LAMA2: variants seen among roughly 807,000 people sequenced by gnomAD.
LAMA2 encodes the protein laminin subunit alpha-2.
A neutral mutation model predicts 364.8 loss-of-function variants in LAMA2; 269 were observed. The ratio of observed to expected loss-of-function variants is 0.74; its 90% CI spans 0.67 to 0.82. LAMA2 has a LOEUF of 0.82. Among genes scored for constraint, LAMA2 ranks in the 40% least tolerant of loss-of-function variants. LAMA2 has a pLI of 0.00. For missense variants in LAMA2, 3,807 were observed against 3,873.2 expected, an observed-to-expected ratio of 0.98 and a Z score of 0.45; for synonymous variants, 1,379 against 1,370.6, an observed-to-expected ratio of 1.01 and a Z score of -0.14.
chr6:129,488,803 G>A (rs1434273676), intron 56 of LAMA2, among the ~76,000 whole-genome samples: 8 of 152,114 alleles, frequency 5.3e-5, no homozygotes, highest in Non-Finnish European at 1.0e-4. Flanking sequence ...ACCAGAGATC[G>A]CAAGTGACCA....
At chr6:129,171,217 A>G (rs1489258200) in intron 9 of LAMA2, among the ~76,000 whole-genome samples, 2 of 151,166 alleles carry the variant, frequency 1.3e-5, no homozygotes, top group Non-Finnish European at 3.0e-5. Context: ...TCCTGTCATG[A>G]TGATGTTAGC....
chr6:128,992,746 C>A (rs9492180), intron 1 of LAMA2, among the ~76,000 whole-genome samples: 1 of 152,104 alleles, frequency 6.6e-6, no homozygotes, highest in African/African-American at 2.4e-5. Context: ...TAGGAAGACA[C>A]CAGCTCTTTG....
chr6:129,267,091 T>TTA lies in LAMA2; in HGVS notation c.2209-13_2209-12dup. 1 of 1,531,566 alleles carries TTA rather than the reference T, an allele frequency of 6.5e-7. No homozygotes were observed. The highest frequency in any genetic ancestry group is 9.1e-7 in the Non-Finnish European group (1 of 1,104,730). The allele number at this position is 1,531,566 out of a possible 1,614,324, so 94.9% of individuals were successfully genotyped here. ...TTAATCTCCAAGACTGACTAAAGCC[T>TTA]TATCTTTCTCTCAGTCTTGTTGGCC... is the stretch of plus-strand genomic sequence containing the variant. On this transcript the variant is annotated splice_polypyrimidine_tract_variant and intron_variant, in intron 15 of 64. Coordinates refer to ENST00000421865, the MANE Select transcript of LAMA2 (RefSeq NM_000426.4).
chr6:129,141,464 C>A (rs1306282618), intron 4 of LAMA2, among the ~76,000 whole-genome samples: 4 of 152,020 alleles, frequency 2.6e-5, no homozygotes, highest in African/African-American at 9.7e-5. Flanking sequence ...CCTTACTAAG[C>A]ATCCCAGGTA....
intron 1 of LAMA2, among the ~76,000 whole-genome samples, chr6:129,048,821 G>A (rs1033036622): frequency 6.6e-6 from 1 of 151,782 alleles, no homozygotes; most frequent in Admixed American, 6.6e-5. Context: ...CACCATGTTG[G>A]CCAGACTGGT....
intron 10 of LAMA2, among the ~76,000 whole-genome samples, chr6:129,179,248 A>C (rs1395878012): frequency 6.6e-6 from 1 of 152,012 alleles, no homozygotes; most frequent in Admixed American, 6.6e-5. Context: ...TCTCTTTTCA[A>C]AACTCCACAG....
At chr6:128,985,847 A>G (rs957012686) in intron 1 of LAMA2, among the ~76,000 whole-genome samples, 3 of 152,198 alleles carry the variant, frequency 2.0e-5, no homozygotes, top group Non-Finnish European at 4.4e-5. Flanking sequence ...ACACTAAAAA[A>G]TGAACAATAA....
intron 40 of LAMA2, among the ~76,000 whole-genome samples, chr6:129,417,863 C>T (rs10457523): frequency 0.48 from 73,358 of 152,040 alleles, 18,250 homozygotes; most frequent in African/African-American, 0.6. Flanking sequence ...TGAAATCAGC[C>T]TGGGTGCCGG....
At chr6:129,258,938 T>G (rs1364785237) in intron 14 of LAMA2, among the ~76,000 whole-genome samples, 1 of 152,068 alleles carries the variant, frequency 6.6e-6, no homozygotes, top group Non-Finnish European at 1.5e-5. Flanking sequence ...CCCTAGAGAA[T>G]ATAGCACTCA....
At chr6:128,971,017 T>C (rs1338374405) in intron 1 of LAMA2, among the ~76,000 whole-genome samples, 1 of 152,196 alleles carries the variant, frequency 6.6e-6, no homozygotes, top group Non-Finnish European at 1.5e-5. Flanking sequence ...TGTGGAATGC[T>C]CTTTTCCTGC....
At chr6:129,073,667 A>G (rs999345399) in intron 3 of LAMA2, among the ~76,000 whole-genome samples, 1 of 152,078 alleles carries the variant, frequency 6.6e-6, no homozygotes, top group African/African-American at 2.4e-5. Context: ...TATTACATAC[A>G]TTTACTGGAT....
chr6:129,445,203 G>A (rs776114600), intron 44 of LAMA2, among the ~76,000 whole-genome samples: 4 of 151,996 alleles, frequency 2.6e-5, no homozygotes, highest in Non-Finnish European at 5.9e-5. Flanking sequence ...CTCTCTTTAA[G>A]ATGTGCAAAA....
intron 1 of LAMA2, among the ~76,000 whole-genome samples, chr6:128,985,565 C>A (rs913025062): frequency 6.6e-6 from 1 of 151,958 alleles, no homozygotes; most frequent in Non-Finnish European, 1.5e-5. Context: ...TCTTCCAATG[C>A]CTTAAAAATG....
intron 54 of LAMA2, 22 bp downstream of exon 54, chr6:129,478,835 C>G: frequency 6.2e-7 from 1 of 1,601,982 alleles, no homozygotes; most frequent in Non-Finnish European, 8.6e-7. Context: ...TTTGATAGTT[C>G]TCTAAACACA....
intron 29 of LAMA2, among the ~76,000 whole-genome samples, chr6:129,332,882 CA>C (rs1360367747): frequency 1.0e-5 from 1 of 98,868 alleles, no homozygotes; most frequent in African/African-American, 3.6e-5. Context: ...TTAAGTTTAC[CA>C]TTTTTTTTTT....
At chr6:128,978,177 T>G (rs1416241450) in intron 1 of LAMA2, among the ~76,000 whole-genome samples, 3 of 152,186 alleles carry the variant, frequency 2.0e-5, no homozygotes, top group African/African-American at 7.2e-5. Context: ...AGGCAGGGTC[T>G]GAGAGGAATT....
At chr6:128,987,830 A>G (rs1783363721) in intron 1 of LAMA2, among the ~76,000 whole-genome samples, 1 of 152,168 alleles carries the variant, frequency 6.6e-6, no homozygotes, top group Non-Finnish European at 1.5e-5. Flanking sequence ...ACATCCATGA[A>G]ACATATGACA....
intron 1 of LAMA2, among the ~76,000 whole-genome samples, chr6:128,903,693 G>A (rs954318984): frequency 1.3e-5 from 2 of 152,024 alleles, no homozygotes; most frequent in African/African-American, 4.8e-5. Context: ...AGGAAATTAA[G>A]TATTTTATAT....
At chr6:129,156,966 A>G (rs7767324) in intron 8 of LAMA2, among the ~76,000 whole-genome samples, 47,678 of 150,840 alleles carry the variant, frequency 0.32, 10,133 homozygotes, top group African/African-American at 0.62. Context: ...TCAAATGGCA[A>G]CAGAGGAATC....
Sources: gnomAD v4.1 joint callset for allele counts (sites outside exome capture counted in the v4.1 genomes callset) on GRCh38, gnomAD v4.1.1 for gene constraint, MANE v1.5 for transcripts, NCBI Gene and HGNC (gene_info 2026-07-23, HGNC 2026-07-21) for gene names.